Variants in PWWP3A observed in about 807,000 individuals in gnomAD.
PWWP3A encodes the protein PWWP domain-containing DNA repair factor 3A.
A neutral mutation model predicts 79.0 loss-of-function variants in PWWP3A; 53 were observed. That is an observed-to-expected ratio of 0.67 (90% confidence interval 0.54 to 0.84). The LOEUF (loss-of-function observed/expected upper bound fraction) is 0.84. PWWP3A is among the 40% of genes least tolerant of loss of function. The pLI, the probability that PWWP3A is intolerant of heterozygous loss-of-function variation, is 0.00. For synonymous variants in PWWP3A, 443 were observed against 394.4 expected (o/e 1.12, Z -1.46); for missense variants, 973 against 948.0 (o/e 1.03, Z -0.35).
At chr19:1,362,202 T>C (rs1010398820) in intron 5 of PWWP3A, 48 bp from the exon 6 acceptor site, 2 of 1,525,060 alleles carry the variant, frequency 1.3e-6, no homozygotes, top group African/African-American at 2.8e-5. Context: ...GGATGAGTCA[T>C]CAAGACAATG....
intron 12 of PWWP3A, chr19:1,371,339 G>C (rs2082255294): frequency 1.4e-6 from 1 of 705,454 alleles, no homozygotes; most frequent in Non-Finnish European, 2.6e-6. Context: ...GCACCAGGGG[G>C]TGCGAACTCC....
chr19:1,369,142 A>T lies in PWWP3A; in HGVS notation c.1423-123A>T. ...AGCCCCCTTTGTCAGGGAGGGTCAG[A>T]GGTGCGGGCTGGAGCGTGAGCAGCC... On this transcript the variant is annotated intron_variant, in intron 9 of 13. Transcript: ENST00000591337. The surrounding 1 kb of genome is among the most constrained non-coding windows in gnomAD (Gnocchi z 4.0). 1 of 793,976 alleles carries T rather than the reference A, an allele frequency of 1.3e-6. No homozygotes were observed. Among genetic ancestry groups the T allele is most frequent in the East Asian group, 2.7e-5 (1 of 37,292 alleles). 49.2% of individuals were successfully genotyped at this position (793,976 alleles called of 1,614,324 possible).
chr19:1,355,445 A>G (rs1232041871), intron 1 of PWWP3A, among the ~76,000 whole-genome samples: 1 of 56,306 alleles, frequency 1.8e-5, no homozygotes, highest in Admixed American at 2.2e-4. Flanking sequence ...CGTGAACCCC[A>G]TCTCTTGCCT....
Position 1,369,967 on chromosome 19 carries a change from C to T in PWWP3A, c.1549+321C>T, listed in dbSNP as rs1000567498. Among the ~76,000 whole-genome samples the T allele has an allele frequency of 3.9e-5, 6 of 152,218 alleles. No individual in the cohort carries two copies. The highest frequency in any genetic ancestry group is 5.9e-5 in the Non-Finnish European group (4 of 68,040). On this transcript the variant is annotated intron_variant, in intron 11 of 13. Transcript: ENST00000591337. The surrounding 1 kb of genome is among the most constrained non-coding windows in gnomAD (Gnocchi z 4.0). ...AATGTAGGCCAGGTGCGGAGGCTCA[C>T]ACCTGTAATCCCAGCACTTTGGGAG... is the stretch of plus-strand genomic sequence containing the variant.
Position 1,360,501 on chromosome 19 carries a change from G to A in PWWP3A, c.580G>A (p.Ala194Thr). ...ENPRGPLVLP[A>T]GGGAQDESGS... ...CCCAAGAGGCCCGTTGGTCCTCCCA[G>A]CTGGAGGTGGTGCCCAAGATGAGAG... Residue 194 changes from alanine (A) to threonine (T), a missense_variant, in exon 5 of 14, where the codon GCT (alanine) becomes ACT (threonine). Ala to Thr is a moderately conservative substitution (Grantham distance 58, BLOSUM62 0). Transcript: ENST00000591337. This position sits in a 1 kb window ranked among gnomAD's most constrained non-coding sequence, Gnocchi z 4.4. The A allele has an allele frequency of 1.2e-6, 2 of 1,614,228 alleles. No homozygotes were observed. The highest frequency in any genetic ancestry group is 2.2e-5 in the East Asian group (1 of 44,892).
chr19:1,370,308 C>T (rs1431453945), intron 11 of PWWP3A, among the ~76,000 whole-genome samples: 4 of 152,198 alleles, frequency 2.6e-5, no homozygotes, highest in Non-Finnish European at 4.4e-5. Context: ...TTTCCTTTAT[C>T]GACAGTAGTG....
intron 12 of PWWP3A, 173 bp from the exon 13 acceptor site, chr19:1,372,899 A>ATCAT (rs1258023231): frequency 3.4e-6 from 2 of 593,218 alleles, no homozygotes; most frequent in Non-Finnish European, 6.0e-6. Context: ...ATTAAGAAAC[A>ATCAT]TCATTACAAG....
intron 12 of PWWP3A, among the ~76,000 whole-genome samples, chr19:1,371,874 C>A (rs1340506623): frequency 7.1e-6 from 1 of 141,624 alleles, no homozygotes; most frequent in African/African-American, 2.7e-5. Context: ...GTGGCGCAAT[C>A]TCGGCTCACT....
rs535714039 is a variant in PWWP3A at position 1,370,715 on chromosome 19, C to T, written c.1623C>T (p.Pro541=). The change falls in exon 12 of 14, where the codon CCC becomes CCT. Residue 541 remains proline (P), a synonymous_variant. Coordinates refer to ENST00000591337, the MANE Select transcript of PWWP3A (RefSeq NM_001369789.1). ...TKLPQLSKGS[P]EEPVVGCPLG... is the part of the protein sequence containing the mutation. ...TTCCTCAACTGAGCAAGGGGAGCCC[C>T]GAGGAGCCCGTGGTGGGGTGCCCCC... 1.4e-5 allele frequency: 20 copies of T among 1,464,922 alleles called. No individual in the cohort carries two copies. Among genetic ancestry groups the T allele is most frequent in the Middle Eastern group, 2.0e-4 (1 of 5,076 alleles). The allele number at this position is 1,464,922 out of a possible 1,614,324, so 90.7% of individuals were successfully genotyped here. A position where few individuals can be genotyped will look rare whatever the true frequency, so the allele number is the denominator to read the frequency against.
chr19:1,359,183 C>T lies in PWWP3A; in HGVS notation c.214+719C>T, dbSNP rs142372532. ...GCCCCCTAGCCACAGTTGTGCAAAC[C>T]CAAACCTGCCAGCCTTCCTTCTCAA... On this transcript the variant is annotated intron_variant, in intron 4 of 13. Transcript: ENST00000591337. The T allele has an allele frequency of 6.9e-3, 1,072 of 155,224 alleles. 5 individuals are homozygous for T. Among genetic ancestry groups the T allele is most frequent in the Non-Finnish European group, 0.011 (793 of 69,554 alleles). The allele number at this position is 155,224 out of a possible 1,614,324, so 9.6% of individuals were successfully genotyped here.
intron 7 of PWWP3A, among the ~76,000 whole-genome samples, chr19:1,365,006 G>A (rs1670365206): frequency 6.6e-6 from 1 of 152,178 alleles, no homozygotes; most frequent in African/African-American, 2.4e-5. Context: ...TGTAATCCCA[G>A]CTACTCGGGA....
chr19:1,360,012 C>A lies in PWWP3A; in HGVS notation c.215-124C>A, dbSNP rs1377328715. 3.9e-5 allele frequency: 36 copies of A among 932,548 alleles called. No homozygotes were observed. The highest frequency in any genetic ancestry group is 4.9e-5 in the Non-Finnish European group (33 of 668,660). 57.8% of individuals were successfully genotyped at this position (932,548 alleles called of 1,614,324 possible). On this transcript the variant is annotated intron_variant, in intron 4 of 13. Coordinates refer to ENST00000591337, the MANE Select transcript of PWWP3A (RefSeq NM_001369789.1). The surrounding 1 kb of genome is among the most constrained non-coding windows in gnomAD (Gnocchi z 4.4). The stretch of plus-strand genomic sequence containing the variant: ...TGTAGGTGAGAAATGTTAGTCCTCC[C>A]CTTCAGTGATTTAGGTATGAAACTA...
At chr19:1,371,414 G>A (rs1405436300) in intron 12 of PWWP3A, 22 of 702,204 alleles carry the variant, frequency 3.1e-5, no homozygotes, top group Non-Finnish European at 5.2e-5. Flanking sequence ...AACCCACTGC[G>A]AGTTGGAAAT....
chr19:1,367,383 G>A (rs945623786), intron 9 of PWWP3A, among the ~76,000 whole-genome samples, 163 bp downstream of exon 9: 25 of 152,350 alleles, frequency 1.6e-4, no homozygotes, highest in African/African-American at 5.5e-4. Flanking sequence ...GAGTTAGATC[G>A]TGGGCTCAGT....
At chr19:1,371,724 C>G (rs1330898815) in intron 12 of PWWP3A, among the ~76,000 whole-genome samples, 1 of 151,682 alleles carries the variant, frequency 6.6e-6, no homozygotes, top group Non-Finnish European at 1.5e-5. Context: ...TCAAATAGAC[C>G]CAAAAAGAAA....
At chr19:1,375,510 A>G (rs1367906404) in intron 13 of PWWP3A, among the ~76,000 whole-genome samples, 1 of 121,932 alleles carries the variant, frequency 8.2e-6, no homozygotes, top group Non-Finnish European at 1.7e-5. Context: ...TTTATATATA[A>G]TATATAAAAT....
At chr19:1,358,203 AAC>A in intron 3 of PWWP3A, 189 bp from the exon 4 acceptor site, 1 of 497,880 alleles carries the variant, frequency 2.0e-6, no homozygotes, top group East Asian at 3.2e-5. Context: ...AAAAAAAAAA[AAC>A]CATTCACCAG....
chr19:1,360,922 G>C lies in PWWP3A; in HGVS notation c.1001G>C (p.Arg334Thr), dbSNP rs757536000. 1 of 1,538,136 alleles carries C rather than the reference G, an allele frequency of 6.5e-7. No homozygotes were observed. Among genetic ancestry groups the C allele is most frequent in the Non-Finnish European group, 8.8e-7 (1 of 1,141,276 alleles). ...TCCCCCGGGCCGGGGCCAGGGCCCA[G>C]AGAGTCTGTGACCCCGCGCAGCACC... ...APSPGPGPGP[R>T]ESVTPRSTAR... The change falls in exon 5 of 14, where the codon AGA becomes ACA. Residue 334 changes from arginine (R) to threonine (T), a missense_variant. Arg to Thr is a moderately conservative substitution (Grantham distance 71, BLOSUM62 -1). Transcript: ENST00000591337. This position sits in a 1 kb window ranked among gnomAD's most constrained non-coding sequence, Gnocchi z 4.4.
Position 1,366,320 on chromosome 19 carries a change from C to A in PWWP3A, c.1300C>A (p.Gln434Lys). ...FWPAVVKSVR[Q>K]RDKKASVLYI... is the part of the protein sequence containing the mutation. ...TTGTGAACAGGTCAAAAGCGTCAGGCAGAGAGATAAGAAAGCAAGTGTGCT... is the reference window on the plus strand; with the variant it reads ...TTGTGAACAGGTCAAAAGCGTCAGGAAGAGAGATAAGAAAGCAAGTGTGCT... Residue 434 changes from glutamine to lysine, a missense_variant, in exon 8 of 14, where the codon CAG becomes AAG. Physicochemically the swap from Gln to Lys is moderately conservative, Grantham distance 53 (BLOSUM62 1). Transcript: ENST00000591337. The A allele has an allele frequency of 6.2e-7, 1 of 1,614,140 alleles. No homozygotes were observed. The highest frequency in any genetic ancestry group is 8.5e-7 in the Non-Finnish European group (1 of 1,179,962).
Sources: allele counts gnomAD v4.1 joint callset (sites outside exome capture counted in the v4.1 genomes callset), GRCh38; gene constraint gnomAD v4.1.1; non-coding constraint Gnocchi (gnomAD v3.1); transcripts MANE v1.5; gene names NCBI Gene and HGNC (gene_info 2026-07-23, HGNC 2026-07-21).